The following MAF variants were observed in gnomAD, a reference collection of about 807,000 sequenced individuals.
MAF encodes MAF bZIP transcription factor, also known as transcription factor Maf.
Under a neutral mutation model 22.0 loss-of-function variants are expected in MAF, and 10 were observed. That is an observed-to-expected ratio of 0.45 (90% CI 0.28 to 0.77). MAF has a LOEUF of 0.77. Among genes scored for constraint, MAF ranks in the 30% least tolerant of loss-of-function variants. The probability of loss-of-function intolerance (pLI) is 0.12; values close to 1 mark genes in which losing one functional copy is unlikely to be tolerated. For synonymous variants in MAF, 337 were observed against 255.8 expected (o/e 1.32, Z -3.03); for missense variants, 544 against 548.4 (o/e 0.99, Z 0.08).
At chr16:79,357,252 TCAC>T in the MAF span, among the ~76,000 whole-genome samples, 56 of 111,436 alleles carry the variant, frequency 5.0e-4, no homozygotes, top group African/African-American at 1.0e-3. Context: ...CAAGACTCTG[TCAC>T]AACAACAACA....
chr16:79,408,994 T>G, the MAF span, among the ~76,000 whole-genome samples: 2 of 146,766 alleles, frequency 1.4e-5, no homozygotes, highest in African/African-American at 4.9e-5. Flanking sequence ...GACCAGAGTT[T>G]TCAAATTGCG....
the MAF span, among the ~76,000 whole-genome samples, chr16:79,464,649 C>T: frequency 6.6e-6 from 1 of 152,166 alleles, no homozygotes; most frequent in Admixed American, 6.5e-5. Flanking sequence ...TTCAGGGTAC[C>T]TGGCAAATGA....
the MAF span, among the ~76,000 whole-genome samples, chr16:79,461,733 G>A: frequency 6.6e-6 from 1 of 152,184 alleles, no homozygotes; most frequent in Non-Finnish European, 1.5e-5. Flanking sequence ...AGAGAGGAGA[G>A]AGACCACATG....
chr16:79,222,765 G>C, the MAF span, among the ~76,000 whole-genome samples: 8,032 of 152,158 alleles, frequency 0.053, 720 homozygotes, highest in African/African-American at 0.18. Context: ...AAGATCAAAA[G>C]AGACAAAGAA....
At chr16:79,567,491 TG>T in the MAF span, among the ~76,000 whole-genome samples, 1 of 152,228 alleles carries the variant, frequency 6.6e-6, no homozygotes, top group Non-Finnish European at 1.5e-5. Context: ...TTTATCTTTT[TG>T]CTTTTTCTTT....
the MAF span, among the ~76,000 whole-genome samples, chr16:79,255,330 T>C: frequency 2.0e-5 from 3 of 152,190 alleles, no homozygotes; most frequent in Non-Finnish European, 2.9e-5. Flanking sequence ...GTCTAAGGTT[T>C]AGGTGCAGAT....
At chr16:79,361,130 T>C in the MAF span, among the ~76,000 whole-genome samples, 1 of 152,204 alleles carries the variant, frequency 6.6e-6, no homozygotes, top group African/African-American at 2.4e-5. Flanking sequence ...GGAACAGGAA[T>C]CAGTAGTACA....
the MAF span, among the ~76,000 whole-genome samples, chr16:79,508,962 A>C: frequency 7.2e-5 from 11 of 152,364 alleles, 1 homozygote; most frequent in South Asian, 4.1e-4. Context: ...TGGCACTGAA[A>C]GTGCTAAAGG....
the MAF span, among the ~76,000 whole-genome samples, chr16:79,542,844 G>C: frequency 6.6e-6 from 1 of 152,208 alleles, no homozygotes; most frequent in African/African-American, 2.4e-5. Context: ...TTTAAGAAAG[G>C]AGTGTCAAGG....
the MAF span, among the ~76,000 whole-genome samples, chr16:79,208,930 T>G: frequency 9.6e-4 from 146 of 152,094 alleles, no homozygotes; most frequent in Non-Finnish European, 1.2e-4. Flanking sequence ...GAAAGTAGAG[T>G]GAGTACCCAT....
the MAF span, among the ~76,000 whole-genome samples, chr16:79,325,314 G>C: frequency 6.6e-6 from 1 of 152,154 alleles, no homozygotes; most frequent in African/African-American, 2.4e-5. Context: ...CATGCAACTG[G>C]CATTATCACG....
chr16:79,569,073 G>C, the MAF span, among the ~76,000 whole-genome samples: 10 of 152,106 alleles, frequency 6.6e-5, no homozygotes, highest in Non-Finnish European at 1.0e-4. Context: ...TCATTCATTC[G>C]TAGCAACAAT....
chr16:79,477,405 G>T, the MAF span, among the ~76,000 whole-genome samples: 12 of 152,104 alleles, frequency 7.9e-5, no homozygotes. Context: ...GAATAAAGAA[G>T]GCCAGCCTCC....
At chr16:79,471,761 A>C in the MAF span, among the ~76,000 whole-genome samples, 1 of 152,208 alleles carries the variant, frequency 6.6e-6, no homozygotes, top group African/African-American at 2.4e-5. Context: ...AGGACAGCTG[A>C]TAAGTGGTCA....
chr16:79,400,912 G>A, the MAF span, among the ~76,000 whole-genome samples: 324 of 152,378 alleles, frequency 2.1e-3, 2 homozygotes, highest in Admixed American at 5.5e-3. Context: ...CCTGTCCAAA[G>A]TCTGAGCAGC....
the MAF span, among the ~76,000 whole-genome samples, chr16:79,254,273 T>TTA: frequency 6.6e-6 from 1 of 152,134 alleles, no homozygotes; most frequent in Non-Finnish European, 1.5e-5. Context: ...CTCTCTACAT[T>TTA]TATATATATG....
chr16:79,407,560 T>G, the MAF span, among the ~76,000 whole-genome samples: 8 of 152,232 alleles, frequency 5.3e-5, no homozygotes, highest in South Asian at 1.7e-3. Flanking sequence ...GAACTCACGG[T>G]TTAATTATTC....
At chr16:79,487,243 T>G in the MAF span, among the ~76,000 whole-genome samples, 2 of 151,740 alleles carry the variant, frequency 1.3e-5, no homozygotes, top group Non-Finnish European at 2.9e-5. Context: ...GACTCCAGTT[T>G]CGTGAAGTTC....
At chr16:79,464,964 G>A in the MAF span, among the ~76,000 whole-genome samples, 4 of 152,208 alleles carry the variant, frequency 2.6e-5, no homozygotes, top group South Asian at 8.3e-4. Context: ...CAGTATCTCA[G>A]CAATGAGAAA....
Sources: gnomAD v4.1 joint callset for allele counts (sites outside exome capture counted in the v4.1 genomes callset) on GRCh38, gnomAD v4.1.1 for gene constraint, MANE v1.5 for transcripts, NCBI Gene and HGNC (gene_info 2026-07-23, HGNC 2026-07-21) for gene names.